Variants in NLRP5 observed in about 807,000 individuals in gnomAD.
NLRP5 encodes NLR family pyrin domain containing 5.
Under a neutral mutation model 113.1 loss-of-function variants are expected in NLRP5, and 93 were observed. The observed-to-expected ratio is 0.82, with a 90% confidence interval of 0.70 to 0.98. NLRP5 has a LOEUF of 0.98. Ranked by LOEUF, NLRP5 falls within the 50% of genes least tolerant of loss-of-function variation. The pLI, the probability that NLRP5 is intolerant of heterozygous loss-of-function variation, is 0.00. For synonymous variants in NLRP5, 751 were observed against 600.7 expected (o/e 1.25, Z -3.66); for missense variants, 1,808 against 1,514.3 (o/e 1.19, Z -3.22).
At chr19:56,059,173 T>A (rs550979736) in intron 14 of NLRP5, among the ~76,000 whole-genome samples, 1 of 152,194 alleles carries the variant, frequency 6.6e-6, no homozygotes, top group African/African-American at 2.4e-5. Context: ...CACTGAACAA[T>A]TCACCTAGCA....
chr19:56,032,804 A>G, intron 8 of NLRP5, 23 bp downstream of exon 8: 3 of 1,586,334 alleles, frequency 1.9e-6, no homozygotes, highest in Non-Finnish European at 2.6e-6. Context: ...GCCCCCTACG[A>G]GAGAATCCCT....
chr19:56,032,139 G>A (rs1983140160), intron 7 of NLRP5, among the ~76,000 whole-genome samples: 1 of 152,128 alleles, frequency 6.6e-6, no homozygotes, highest in African/African-American at 2.4e-5. Context: ...GAGATCAGGA[G>A]TTCGAGACCA....
chr19:56,038,902 T>C (rs866039813), intron 10 of NLRP5, among the ~76,000 whole-genome samples: 1 of 152,134 alleles, frequency 6.6e-6, no homozygotes, highest in Admixed American at 6.5e-5. Flanking sequence ...GCCTCAACTC[T>C]TGGGCCCAAG....
At chr19:56,024,508 T>C (rs532777427) in intron 6 of NLRP5, among the ~76,000 whole-genome samples, 5 of 70,762 alleles carry the variant, frequency 7.1e-5, no homozygotes, top group Admixed American at 1.4e-4. Flanking sequence ...TATGTATATG[T>C]ATATGTGTAT....
At position 56,061,494 on chromosome 19, in the gene NLRP5, T is replaced by C; in HGVS notation, c.3569T>C (p.Phe1190Ser). ...GTAATTGACGGTAGTTGGCATTCTT[T>C]TGATGAAGATGACCGGTACTGGTGG... is the stretch of plus-strand genomic sequence containing the variant. Residue 1190 changes from phenylalanine to serine, a missense_variant, in exon 15 of 15, where the codon TTT (phenylalanine) becomes TCT (serine). By Grantham distance (155) the Phe-to-Ser change is radical. Transcript: ENST00000390649. The C allele has an allele frequency of 4.3e-6, 7 of 1,614,036 alleles. No homozygotes were observed. The highest frequency in any genetic ancestry group is 5.9e-6 in the Non-Finnish European group (7 of 1,179,890).
chr19:56,037,429 C>A (rs1216939411), intron 9 of NLRP5, among the ~76,000 whole-genome samples: 1 of 152,120 alleles, frequency 6.6e-6, no homozygotes, highest in African/African-American at 2.4e-5. Context: ...GGCACAGTGG[C>A]TCATGCCTGT....
At chr19:56,032,838 CCCCTA>C in intron 8 of NLRP5, 57 bp downstream of exon 8, 1 of 1,511,218 alleles carries the variant, frequency 6.6e-7, no homozygotes, top group Non-Finnish European at 9.0e-7. Flanking sequence ...TCCCAGCTCT[CCCCTA>C]CCTCCTGAGA....
intron 11 of NLRP5, among the ~76,000 whole-genome samples, chr19:56,049,743 T>C (rs1352715152): frequency 6.6e-6 from 1 of 152,194 alleles, no homozygotes; most frequent in East Asian, 1.9e-4. Flanking sequence ...TATTTCTCCC[T>C]TTGCTTGTAT....
intron 2 of NLRP5, among the ~76,000 whole-genome samples, chr19:56,007,900 CGTGCGTGTGTGTGTGT>C (rs760336782): frequency 0.24 from 18,733 of 79,298 alleles, 2,733 homozygotes; most frequent in East Asian, 0.42. Context: ...CGCGTGCGCG[CGTGCGTGTGTGTGTGT>C]GTGTGTGTGT....
upstream of NLRP5, among the ~76,000 whole-genome samples, chr19:55,996,682 T>C (rs1254308994): frequency 6.6e-6 from 1 of 152,196 alleles, no homozygotes; most frequent in African/African-American, 2.4e-5. Context: ...TGTTTATGGC[T>C]GCATAGTATT....
Position 56,027,532 on chromosome 19 carries a change from C to T in NLRP5, c.1299C>T (p.Ser433=), listed in dbSNP as rs199735091. 1.7e-5 allele frequency: 27 copies of T among 1,613,814 alleles called. No homozygotes were observed. In the East Asian group the frequency reaches 2.2e-4, roughly 13 times the overall value. Residue 433 remains serine, a synonymous_variant, in exon 7 of 15, where the codon TCC becomes TCT. Coordinates refer to ENST00000390649, the MANE Select transcript of NLRP5 (RefSeq NM_153447.4). Reference sequence around the variant, plus strand: ...GTTACCTGTTAGTTAGAGGAATCTCCGGGGAACAAAGAATCCACTTGCTCC... The same window carrying T: ...GTTACCTGTTAGTTAGAGGAATCTCTGGGGAACAAAGAATCCACTTGCTCC...
chr19:56,053,525 A>C, intron 12 of NLRP5, 113 bp from the exon 13 acceptor site: 2 of 915,090 alleles, frequency 2.2e-6, no homozygotes, highest in Non-Finnish European at 1.7e-6. Flanking sequence ...TGGACAAAAC[A>C]GTGGCCCGTC....
chr19:56,049,067 C>T (rs1268667505), intron 11 of NLRP5, among the ~76,000 whole-genome samples: 56 of 148,520 alleles, frequency 3.8e-4, no homozygotes, highest in African/African-American at 9.9e-4. Context: ...CTGCAACCTC[C>T]GCCTCCTGGA....
chr19:56,057,457 G>C (rs11672449), intron 13 of NLRP5, among the ~76,000 whole-genome samples: 39 of 152,168 alleles, frequency 2.6e-4, no homozygotes, highest in Non-Finnish European at 5.3e-4. Flanking sequence ...TAGCCATCTA[G>C]TCATCTTTGT....
the NLRP5 span, among the ~76,000 whole-genome samples, chr19:55,992,121 T>C: frequency 0.43 from 65,403 of 151,950 alleles, 14,305 homozygotes; most frequent in South Asian, 0.48. Flanking sequence ...CATGTGGTAG[T>C]TGGTTTTCTG....
the NLRP5 span, among the ~76,000 whole-genome samples, chr19:55,991,566 C>G: frequency 6.6e-6 from 1 of 152,134 alleles, no homozygotes; most frequent in Non-Finnish European, 1.5e-5. Context: ...TGTTTTACCT[C>G]TATAGTTGCT....
At chr19:55,996,956 C>T (rs530418249), upstream of NLRP5, among the ~76,000 whole-genome samples, 5 of 152,250 alleles carry the variant, frequency 3.3e-5, no homozygotes, top group East Asian at 3.9e-4. Flanking sequence ...CCACCAACAG[C>T]GTAAAAGTGT....
intron 10 of NLRP5, among the ~76,000 whole-genome samples, chr19:56,038,608 A>G (rs1385585816): frequency 6.6e-6 from 1 of 152,156 alleles, no homozygotes; most frequent in African/African-American, 2.4e-5. Context: ...GGTAAAGTCC[A>G]GGCCAGAGCT....
the NLRP5 span, among the ~76,000 whole-genome samples, chr19:55,987,151 C>T: frequency 6.6e-6 from 1 of 152,168 alleles, no homozygotes; most frequent in Non-Finnish European, 1.5e-5. Flanking sequence ...GGTGGATCAT[C>T]TGAGGTCAGG....
Sources: allele counts gnomAD v4.1 joint callset (sites outside exome capture counted in the v4.1 genomes callset), GRCh38; gene constraint gnomAD v4.1.1; transcripts MANE v1.5; gene names NCBI Gene and HGNC (gene_info 2026-07-23, HGNC 2026-07-21).